AFF3: variants seen among roughly 807,000 people sequenced by gnomAD.
AFF3 encodes ALF transcription elongation factor 3.
A neutral mutation model predicts 129.7 loss-of-function variants in AFF3; 32 were observed. The observed-to-expected ratio is 0.25, with a 90% CI of 0.19 to 0.33. The LOEUF is 0.33. Ranked by LOEUF, AFF3 falls within the 10% of genes least tolerant of loss-of-function variation. The pLI is 1.00. For missense variants in AFF3, 1,373 were observed against 1,592.0 expected, an observed-to-expected ratio of 0.86 and a Z score of 2.34; for synonymous variants, 644 against 635.4, an observed-to-expected ratio of 1.01 and a Z score of -0.20.
intron 11 of AFF3, among the ~76,000 whole-genome samples, chr2:99,694,016 C>A (rs368399388): frequency 1.4e-4 from 21 of 151,930 alleles, no homozygotes; most frequent in African/African-American, 4.6e-4. Flanking sequence ...CTCCCGGGTT[C>A]AAGTGATCCT....
intron 11 of AFF3, among the ~76,000 whole-genome samples, chr2:99,705,891 A>C (rs1021668223): frequency 7.3e-5 from 11 of 151,256 alleles, no homozygotes; most frequent in South Asian, 2.1e-4. Flanking sequence ...AAAAAAAAAA[A>C]AAAAAAAAAC....
intron 4 of AFF3, among the ~76,000 whole-genome samples, chr2:100,056,854 T>C (rs1686829350): frequency 6.6e-6 from 1 of 152,224 alleles, no homozygotes; most frequent in Non-Finnish European, 1.5e-5. Flanking sequence ...TGGTATATAC[T>C]GTCTGCCCTG....
At chr2:99,900,138 G>A (rs541716380) in intron 7 of AFF3, among the ~76,000 whole-genome samples, 1 of 152,310 alleles carries the variant, frequency 6.6e-6, no homozygotes, top group South Asian at 2.1e-4. Context: ...TGAAGAGGCT[G>A]TAACTTACCA....
chr2:100,058,117 CAG>C (rs1686955400), intron 4 of AFF3, among the ~76,000 whole-genome samples: 2 of 152,290 alleles, frequency 1.3e-5, no homozygotes, highest in East Asian at 3.9e-4. Flanking sequence ...ACTACAAAAA[CAG>C]TAACCATTTA....
intron 8 of AFF3, among the ~76,000 whole-genome samples, chr2:99,810,131 T>C (rs910676744): frequency 5.9e-5 from 9 of 152,198 alleles, no homozygotes; most frequent in African/African-American, 2.2e-4. Context: ...CCAGTGATTT[T>C]TACTCAGGAT....
intron 8 of AFF3, among the ~76,000 whole-genome samples, chr2:99,832,198 C>T (rs1369425521): frequency 6.6e-6 from 1 of 152,224 alleles, no homozygotes; most frequent in Admixed American, 6.5e-5. Context: ...CTTTTAGATG[C>T]TTGGGCTGCT....
At chr2:99,744,986 T>C (rs995501664) in intron 9 of AFF3, among the ~76,000 whole-genome samples, 1 of 152,232 alleles carries the variant, frequency 6.6e-6, no homozygotes, top group African/African-American at 2.4e-5. Context: ...TGAAACCATT[T>C]TGCAATCCAA....
At chr2:100,061,269 A>G (rs1249712191) in intron 4 of AFF3, among the ~76,000 whole-genome samples, 1 of 152,190 alleles carries the variant, frequency 6.6e-6, no homozygotes, top group Non-Finnish European at 1.5e-5. Context: ...CTTAATGGGG[A>G]GTAACTATAT....
intron 8 of AFF3, among the ~76,000 whole-genome samples, chr2:99,768,279 G>C (rs1402719116): frequency 6.6e-6 from 1 of 152,094 alleles, no homozygotes; most frequent in East Asian, 1.9e-4. Context: ...AAACCCCCCA[G>C]GATCCTAACA....
intron 11 of AFF3, among the ~76,000 whole-genome samples, chr2:99,717,432 C>T (rs948445021): frequency 1.3e-5 from 2 of 152,152 alleles, no homozygotes; most frequent in African/African-American, 4.8e-5. Flanking sequence ...TGGGTGTATA[C>T]TGGTATCTCA....
chr2:99,625,394 A>G (rs1462593484), intron 13 of AFF3, among the ~76,000 whole-genome samples: 1 of 152,040 alleles, frequency 6.6e-6, no homozygotes, highest in Non-Finnish European at 1.5e-5. Flanking sequence ...GAATCTGGCA[A>G]CCTTAAGTTT....
At chr2:99,561,875 T>C (rs1385345896) in intron 20 of AFF3, among the ~76,000 whole-genome samples, 2 of 152,256 alleles carry the variant, frequency 1.3e-5, no homozygotes, top group African/African-American at 4.8e-5. Context: ...CACATACTTG[T>C]ACTTTTCCTA....
At chr2:99,672,511 G>C in intron 12 of AFF3, 27 bp downstream of exon 12, 1 of 1,607,352 alleles carries the variant, frequency 6.2e-7, no homozygotes, top group Non-Finnish European at 8.5e-7. Context: ...CACCTCCAAA[G>C]GATGATGACA....
At chr2:99,683,284 G>C (rs993532683) in intron 11 of AFF3, among the ~76,000 whole-genome samples, 4 of 152,114 alleles carry the variant, frequency 2.6e-5, no homozygotes, top group Admixed American at 1.3e-4. Flanking sequence ...GGAAAAACGA[G>C]AGTGTTTACC....
At chr2:99,973,087 G>A (rs1040507696) in intron 7 of AFF3, among the ~76,000 whole-genome samples, 1 of 152,152 alleles carries the variant, frequency 6.6e-6, no homozygotes, top group Non-Finnish European at 1.5e-5. Context: ...CATGATACCT[G>A]TAATTGTTTT....
In AFF3 at chr2:99,658,727, G is replaced by C. The variant is rs1009132692; in HGVS notation, c.1144-9061C>G. On this transcript the variant is annotated intron_variant, in intron 12 of 24. Transcript: ENST00000672756. Reference sequence around the variant, plus strand: ...GCCAGTAAGTAAAGGAACCAGGCCAGTGAGGGCTCCACAGAGCAGCCCCAT... The same window carrying C: ...GCCAGTAAGTAAAGGAACCAGGCCACTGAGGGCTCCACAGAGCAGCCCCAT... Among the ~76,000 whole-genome samples the C allele has an allele frequency of 5.3e-5, 8 of 152,324 alleles. No individual in the cohort carries two copies. The East Asian group carries it at 1.5e-3, about 29-fold the overall frequency.
At chr2:100,063,818 G>A (rs974799710) in intron 4 of AFF3, among the ~76,000 whole-genome samples, 92 of 152,060 alleles carry the variant, frequency 6.1e-4, no homozygotes, top group Non-Finnish European at 1.0e-3. Flanking sequence ...GGCTGGGCGC[G>A]GTGGCTCACA....
intron 12 of AFF3, among the ~76,000 whole-genome samples, chr2:99,669,594 G>C (rs1395510853): frequency 6.6e-6 from 1 of 152,278 alleles, no homozygotes; most frequent in African/African-American, 2.4e-5. Context: ...GGGCACCTGG[G>C]TCATGTCTGT....
At chr2:100,099,226 T>C (rs1209846385) in intron 4 of AFF3, among the ~76,000 whole-genome samples, 2 of 151,102 alleles carry the variant, frequency 1.3e-5, no homozygotes, top group Admixed American at 1.3e-4. Context: ...GGCCTTAAAA[T>C]GTTTGCTTTA....
Sources: gnomAD v4.1 joint callset for allele counts (sites outside exome capture counted in the v4.1 genomes callset) on GRCh38, gnomAD v4.1.1 for gene constraint, MANE v1.5 for transcripts, NCBI Gene and HGNC (gene_info 2026-07-23, HGNC 2026-07-21) for gene names.